The following USP40 variants were observed in gnomAD, a reference collection of about 807,000 sequenced individuals.
USP40 encodes ubiquitin carboxyl-terminal hydrolase 40.
Under a neutral mutation model 166.2 loss-of-function variants are expected in USP40, and 143 were observed. That is an observed-to-expected ratio of 0.86 (90% CI 0.75 to 0.99). The LOEUF is 0.99. Ranked by LOEUF, USP40 falls within the 50% of genes least tolerant of loss-of-function variation. USP40 has a pLI of 0.00. For synonymous variants in USP40, 498 were observed against 524.0 expected, an observed-to-expected ratio of 0.95 and a Z score of 0.68; for missense variants, 1,444 against 1,479.7, an observed-to-expected ratio of 0.98 and a Z score of 0.40.
chr2:233,527,394 A>T lies in USP40; in HGVS notation c.1725+13T>A, dbSNP rs748497421. ...CTCGATGTCTGAATTAAGAGGAAGTAAGGCGATATTACCTGAAATATTGAC... is the reference window on the plus strand; with the variant it reads ...CTCGATGTCTGAATTAAGAGGAAGTTAGGCGATATTACCTGAAATATTGAC... On this transcript the variant is annotated intron_variant, in intron 13 of 31. Coordinates refer to ENST00000678225, the MANE Select transcript of USP40 (RefSeq NM_001365479.2). 6.2e-7 allele frequency: 1 copy of T among 1,610,542 alleles called. No individual in the cohort carries two copies. The highest frequency in any genetic ancestry group is 2.2e-5 in the East Asian group (1 of 44,858).
chr2:233,541,370 A>C (rs773874055), intron 9 of USP40, among the ~76,000 whole-genome samples: 4 of 152,200 alleles, frequency 2.6e-5, no homozygotes, highest in Non-Finnish European at 1.5e-5. Flanking sequence ...TTATCATAAG[A>C]AGACGAAGTT....
intron 10 of USP40, among the ~76,000 whole-genome samples, chr2:233,537,711 T>C (rs1166865558): frequency 1.3e-5 from 2 of 152,190 alleles, no homozygotes; most frequent in Non-Finnish European, 2.9e-5. Context: ...ATTCTGTATC[T>C]ATCAAAAATA....
At chr2:233,491,429 G>A in intron 25 of USP40, 168 bp from the exon 26 acceptor site, 2 of 622,280 alleles carry the variant, frequency 3.2e-6, no homozygotes, top group Non-Finnish European at 5.8e-6. Context: ...AGCAGGCAGG[G>A]ACATGTTGTC....
rs768503394 is a variant in USP40, at chr2:233,527,540, T to A, written c.1592A>T (p.His531Leu). The A allele has an allele frequency of 6.2e-7, 1 of 1,612,448 alleles. No homozygotes were observed. The highest frequency in any genetic ancestry group is 1.1e-5 in the South Asian group (1 of 90,620). ...ATGATACTGAGGGCCCAGGTGAAGA[T>A]GCAATTCAAAAGTATTGTTTGCAGA... is the stretch of plus-strand genomic sequence containing the variant. ...CDSANNTFEL[H>L]LHLGPQYHFF... Residue 531 changes from histidine (H) to leucine (L), a missense_variant, in exon 13 of 32, where the codon CAT becomes CTT. Coordinates refer to ENST00000678225, the MANE Select transcript of USP40 (RefSeq NM_001365479.2).
Position 233,481,066 on chromosome 2 carries a change from G to T in USP40, c.3599+137C>A. ...GGAAAGAACGCAGGGGGCGGAGAAGGACCCGCCACACTGGTGTGCTTTGTG... is the reference window on the plus strand; with the variant it reads ...GGAAAGAACGCAGGGGGCGGAGAAGTACCCGCCACACTGGTGTGCTTTGTG... On this transcript the variant is annotated intron_variant, in intron 31 of 31. Transcript: ENST00000678225. 6 of 754,054 alleles carry T rather than the reference G, an allele frequency of 8.0e-6. No individual in the cohort carries two copies. In the East Asian group the frequency reaches 1.4e-4, roughly 17 times the overall value. 46.7% of individuals were successfully genotyped at this position (754,054 alleles called of 1,614,324 possible).
chr2:233,509,083 A>C (rs955147250), intron 21 of USP40, among the ~76,000 whole-genome samples: 1 of 152,168 alleles, frequency 6.6e-6, no homozygotes, highest in Non-Finnish European at 1.5e-5. Flanking sequence ...CTGTTTGTAG[A>C]AAATGGTATT....
chr2:233,491,834 CA>C (rs1324019184), intron 25 of USP40, among the ~76,000 whole-genome samples: 1 of 152,116 alleles, frequency 6.6e-6, no homozygotes, highest in Non-Finnish European at 1.5e-5. Context: ...GGGAAAAACA[CA>C]ATGCTTTCTC....
chr2:233,559,648 A>AAAAT (rs1182026572), intron 4 of USP40, among the ~76,000 whole-genome samples, 163 bp downstream of exon 4: 3 of 152,208 alleles, frequency 2.0e-5, no homozygotes, highest in Non-Finnish European at 4.4e-5. Flanking sequence ...CAAGTGTCTA[A>AAAAT]AAATATATAT....
chr2:233,514,131 T>C (rs574205882), intron 18 of USP40, among the ~76,000 whole-genome samples: 10 of 152,378 alleles, frequency 6.6e-5, no homozygotes, highest in African/African-American at 2.2e-4. Context: ...GTGTATTGGC[T>C]ACGTGCCAGG....
Position 233,510,052 on chromosome 2 carries a change from T to A in USP40, c.2610A>T (p.Arg870Ser), listed in dbSNP as rs772061145. ...EIVVEETISV[R>S]DCLKLMLKKS... ...AACAAAAGGTAAAATTACTTACATC[T>A]CTCACAGATATTGTTTCTTCTACTA... Residue 870 changes from arginine (R) to serine (S), a missense_variant, in exon 21 of 32, where the codon AGA becomes AGT. Arg to Ser is a moderately radical substitution (Grantham distance 110). Transcript: ENST00000678225. 1.3e-6 allele frequency: 2 copies of A among 1,583,988 alleles called. No homozygotes were observed.
chr2:233,556,907 G>A lies in USP40; in HGVS notation c.494C>T (p.Thr165Ile), dbSNP rs1353918399. The A allele has an allele frequency of 1.2e-6, 2 of 1,613,688 alleles. No homozygotes were observed. The highest frequency in any genetic ancestry group is 1.7e-6 in the Non-Finnish European group (2 of 1,179,806). Residue 165 changes from threonine to isoleucine, a missense_variant, in exon 5 of 32, where the codon ACC (threonine) becomes ATC (isoleucine). Thr to Ile is a moderately conservative substitution (Grantham distance 89). Coordinates refer to ENST00000678225, the MANE Select transcript of USP40 (RefSeq NM_001365479.2). The stretch of plus-strand genomic sequence containing the variant: ...TTTACAAACAATCTGGTTAACAATG[G>A]TTCCATGGTACAGACGATAGATGAG... ...HDLIYRLYHG[T>I]IVNQIVCKEC...
chr2:233,482,459 C>T (rs941152260), intron 30 of USP40, among the ~76,000 whole-genome samples: 2 of 151,962 alleles, frequency 1.3e-5, no homozygotes, highest in South Asian at 2.1e-4. Context: ...CACCTATGGG[C>T]GAGTTATTCT....
At chr2:233,506,526 CT>C (rs1411763000) in intron 21 of USP40, among the ~76,000 whole-genome samples, 5 of 151,972 alleles carry the variant, frequency 3.3e-5, no homozygotes, top group Non-Finnish European at 5.9e-5. Context: ...AACTAAAAAG[CT>C]TTTGTACAGC....
At chr2:233,543,575 C>A (rs2069622413) in intron 8 of USP40, among the ~76,000 whole-genome samples, 1 of 152,136 alleles carries the variant, frequency 6.6e-6, no homozygotes, top group Admixed American at 6.6e-5. Flanking sequence ...AAAAGATGAG[C>A]CCTCATGAAT....
At chr2:233,489,771 A>G (rs838561) in intron 26 of USP40, 55,714 of 290,764 alleles carry the variant, frequency 0.19, 5,842 homozygotes, top group Non-Finnish European at 0.21. Flanking sequence ...TGTTTAAAAA[A>G]TGAAACTTTG....
At chr2:233,546,754 T>C (rs1046223954) in intron 8 of USP40, 1 of 152,024 alleles carries the variant, frequency 6.6e-6, no homozygotes, top group Non-Finnish European at 1.5e-5. Context: ...GAGAGCAAAA[T>C]AAAGCCTATT....
In USP40 at chr2:233,510,392, C is replaced by CTTTTTTTTTTTTTTTT. The variant is rs1158427662; in HGVS notation, c.2527-273_2527-258dup. On this transcript the variant is annotated intron_variant, in intron 20 of 31. Coordinates refer to ENST00000678225, the MANE Select transcript of USP40 (RefSeq NM_001365479.2). ...CCACATACACTACTTCTTTTTCTTTCTTTTTTTTTTTTTTTTTTTTTTTTT... is the reference window on the plus strand; with the variant it reads ...CCACATACACTACTTCTTTTTCTTTCTTTTTTTTTTTTTTTTTTTTTTTTTTTTTTTTTTTTTTTTT... Among the ~76,000 whole-genome samples, 25 of 68,680 alleles carry CTTTTTTTTTTTTTTTT rather than the reference C, an allele frequency of 3.6e-4. 2 individuals carry two copies. The highest frequency in any genetic ancestry group is 7.5e-4 in the East Asian group (2 of 2,678). 45.1% of individuals were successfully genotyped at this position (68,680 alleles called of 152,430 possible).
intron 5 of USP40, among the ~76,000 whole-genome samples, chr2:233,555,070 G>A (rs2070938347): frequency 6.6e-6 from 1 of 152,172 alleles, no homozygotes; most frequent in South Asian, 2.1e-4. Flanking sequence ...GTGCATGCCT[G>A]TAGTCCCAGC....
chr2:233,494,957 TATATATATA>T (rs2065631588), intron 24 of USP40, among the ~76,000 whole-genome samples: 2 of 14,414 alleles, frequency 1.4e-4, no homozygotes, highest in African/African-American at 6.9e-4. Flanking sequence ...TATATATATT[TATATATATA>T]TATATATATA....
Sources: allele counts gnomAD v4.1 joint callset (sites outside exome capture counted in the v4.1 genomes callset), GRCh38; gene constraint gnomAD v4.1.1; transcripts MANE v1.5; gene names NCBI Gene and HGNC (gene_info 2026-07-23, HGNC 2026-07-21).